The following GNG12 variants were observed in gnomAD, a reference collection of about 807,000 sequenced individuals.
GNG12 encodes guanine nucleotide-binding protein G(I)/G(S)/G(O) subunit gamma-12.
For missense variants in GNG12, 69 were observed against 83.8 expected, an observed-to-expected ratio of 0.82 and a Z score of 0.69; for synonymous variants, 28 against 29.7, an observed-to-expected ratio of 0.94 and a Z score of 0.19.
rs147947178 is a variant in GNG12, at chr1:67,828,078, C to T, written c.-77+5266G>A. On this transcript the variant is annotated intron_variant, in intron 1 of 3. Transcript: ENST00000370982. ...GTGCTGGTTCTAGAACAGGATTTAG[C>T]GAGTCAGTTCCTTCATCTGTACTAT... Among the ~76,000 whole-genome samples, 19 of 152,222 alleles carry T rather than the reference C, an allele frequency of 1.2e-4. No individual in the cohort carries two copies. The East Asian group carries it at 2.1e-3, about 17-fold the overall frequency.
At position 67,782,162 on chromosome 1, in the gene GNG12, G is replaced by T. The variant is rs143552963; in HGVS notation, c.-76-4655C>A. 2.6e-5 allele frequency among the ~76,000 whole-genome samples: 4 copies of T among 152,274 alleles called. No homozygotes were observed. The East Asian group carries it at 7.7e-4, about 29-fold the overall frequency. On this transcript the variant is annotated intron_variant, in intron 1 of 3. Coordinates refer to ENST00000370982, the MANE Select transcript of GNG12 (RefSeq NM_018841.6). The stretch of plus-strand genomic sequence containing the variant: ...CACACATAAAGGACACTACTGTAGG[G>T]ATAAAAGGTAAATTCTCCACAAAAT...
chr1:67,742,279 TTC>T (rs1187225031), intron 2 of GNG12, among the ~76,000 whole-genome samples: 1 of 152,194 alleles, frequency 6.6e-6, no homozygotes, highest in Non-Finnish European at 1.5e-5. Flanking sequence ...ATGACCCAAG[TTC>T]TGTTTATTTC....
intron 1 of GNG12, among the ~76,000 whole-genome samples, chr1:67,793,923 C>G (rs1442665026): frequency 6.6e-6 from 1 of 152,212 alleles, no homozygotes; most frequent in South Asian, 2.1e-4. Flanking sequence ...CACCACTTGA[C>G]TCCAGAAAAT....
chr1:67,721,070 G>T (rs780324165), intron 2 of GNG12, among the ~76,000 whole-genome samples: 1 of 152,150 alleles, frequency 6.6e-6, no homozygotes, highest in Non-Finnish European at 1.5e-5. Flanking sequence ...CACACTGCAG[G>T]CCTCCTGCAT....
At chr1:67,769,785 T>G (rs1164503601) in intron 2 of GNG12, among the ~76,000 whole-genome samples, 1 of 152,036 alleles carries the variant, frequency 6.6e-6, no homozygotes, top group Non-Finnish European at 1.5e-5. Context: ...ATTTTTCCAA[T>G]GTCCAATTCT....
At chr1:67,788,089 C>T (rs1264684725) in intron 1 of GNG12, among the ~76,000 whole-genome samples, 6 of 152,168 alleles carry the variant, frequency 3.9e-5, no homozygotes, top group South Asian at 2.1e-4. Flanking sequence ...CTTTGAACCA[C>T]GGAACCTTTT....
intron 2 of GNG12, among the ~76,000 whole-genome samples, chr1:67,772,964 C>A (rs1165501922): frequency 6.6e-6 from 1 of 152,194 alleles, no homozygotes; most frequent in East Asian, 1.9e-4. Flanking sequence ...GAGAGCTAAG[C>A]AAAGTCAAGA....
intron 1 of GNG12, among the ~76,000 whole-genome samples, chr1:67,806,256 T>C (rs942418438): frequency 6.6e-6 from 1 of 152,166 alleles, no homozygotes; most frequent in Non-Finnish European, 1.5e-5. Context: ...GAATTTTAAT[T>C]GATTTAACAG....
chr1:67,825,988 C>G (rs1467257860), intron 1 of GNG12, among the ~76,000 whole-genome samples: 1 of 152,162 alleles, frequency 6.6e-6, no homozygotes, highest in East Asian at 1.9e-4. Context: ...TGTTTGTTTC[C>G]TAGCATATAT....
chr1:67,727,836 T>C (rs1398378980), intron 2 of GNG12, among the ~76,000 whole-genome samples: 1 of 152,254 alleles, frequency 6.6e-6, no homozygotes, highest in Admixed American at 6.5e-5. Context: ...CTTGTGGTCT[T>C]GCATGAACCT....
chr1:67,776,722 G>A (rs1243425281), intron 2 of GNG12, among the ~76,000 whole-genome samples: 1 of 152,116 alleles, frequency 6.6e-6, no homozygotes, highest in African/African-American at 2.4e-5. Context: ...TCACGTAGCT[G>A]AGCCTAGCCC....
At chr1:67,768,261 C>T (rs761414346) in intron 2 of GNG12, among the ~76,000 whole-genome samples, 4 of 152,162 alleles carry the variant, frequency 2.6e-5, no homozygotes, top group Admixed American at 2.0e-4. Flanking sequence ...AAGAGGTAAG[C>T]GACTTGTCCA....
intron 2 of GNG12, among the ~76,000 whole-genome samples, chr1:67,716,068 T>C (rs1345124833): frequency 6.6e-6 from 1 of 152,134 alleles, no homozygotes; most frequent in Non-Finnish European, 1.5e-5. Context: ...AAAGAGAACA[T>C]GTTGCTGGCT....
At chr1:67,741,366 T>C (rs2100712916) in intron 2 of GNG12, among the ~76,000 whole-genome samples, 1 of 152,348 alleles carries the variant, frequency 6.6e-6, no homozygotes, top group South Asian at 2.1e-4. Context: ...ATGGACTTAA[T>C]TCCTCCAAGC....
At chr1:67,756,993 C>G (rs990507648) in intron 2 of GNG12, among the ~76,000 whole-genome samples, 1 of 152,196 alleles carries the variant, frequency 6.6e-6, no homozygotes, top group Admixed American at 6.5e-5. Context: ...TATAGTACGA[C>G]TTTTCTAAAT....
chr1:67,725,516 T>C (rs1570488636), intron 2 of GNG12, among the ~76,000 whole-genome samples: 2 of 152,236 alleles, frequency 1.3e-5, no homozygotes, highest in Admixed American at 6.5e-5. Flanking sequence ...TAAATGTTTA[T>C]ATATTTTCAA....
At chr1:67,830,435 C>T (rs913785920) in intron 1 of GNG12, among the ~76,000 whole-genome samples, 1 of 152,190 alleles carries the variant, frequency 6.6e-6, no homozygotes, top group Non-Finnish European at 1.5e-5. Context: ...CACAATCAGC[C>T]TAACACTTCT....
intron 1 of GNG12, among the ~76,000 whole-genome samples, chr1:67,830,289 G>A (rs2100833413): frequency 6.6e-6 from 1 of 152,322 alleles, no homozygotes; most frequent in East Asian, 1.9e-4. Context: ...ATAGGTGTGA[G>A]CCACAGCGCC....
chr1:67,832,683 C>T (rs1273963003), intron 1 of GNG12, among the ~76,000 whole-genome samples: 1 of 152,102 alleles, frequency 6.6e-6, no homozygotes, highest in Non-Finnish European at 1.5e-5. Flanking sequence ...TGCAGAAAAG[C>T]AGCCTCGGGT....
Sources: gnomAD v4.1 joint callset for allele counts (sites outside exome capture counted in the v4.1 genomes callset) on GRCh38, gnomAD v4.1.1 for gene constraint, MANE v1.5 for transcripts, NCBI Gene and HGNC (gene_info 2026-07-23, HGNC 2026-07-21) for gene names.